Variants in SLC6A18 observed in about 807,000 individuals in gnomAD.
The protein encoded by SLC6A18 is solute carrier family 6 member 18.
SLC6A18 carries 58 observed loss-of-function variants against 62.9 expected under a neutral mutation model. The observed-to-expected ratio is 0.92, with a 90% confidence interval of 0.75 to 1.15. The LOEUF is 1.15. SLC6A18 is among the 50% of genes most tolerant of loss of function. The pLI is 0.00. For synonymous variants in SLC6A18, 382 were observed against 365.8 expected (o/e 1.04, Z -0.51); for missense variants, 793 against 836.6 (o/e 0.95, Z 0.64).
intron 2 of SLC6A18, among the ~76,000 whole-genome samples, 189 bp downstream of exon 2, chr5:1,232,548 A>G (rs1310153799): frequency 6.6e-6 from 1 of 152,130 alleles, no homozygotes; most frequent in African/African-American, 2.4e-5. Flanking sequence ...TTAGAGATGG[A>G]GAACATGTGT....
intron 2 of SLC6A18, 111 bp downstream of exon 2, chr5:1,232,470 C>T: frequency 1.4e-6 from 2 of 1,422,974 alleles, no homozygotes; most frequent in Non-Finnish European, 1.9e-6. Context: ...GCGGCCAGGC[C>T]AGGCCGGCGG....
intron 1 of SLC6A18, among the ~76,000 whole-genome samples, chr5:1,230,515 G>A (rs1746705317): frequency 6.6e-6 from 1 of 152,160 alleles, no homozygotes; most frequent in Admixed American, 6.5e-5. Flanking sequence ...GAGCCGTCCG[G>A]CCCCCACATG....
At position 1,238,374 on chromosome 5, in the gene SLC6A18, C is replaced by CCTGGAGGAGGACTTCGGT. The variant is rs1432699046; in HGVS notation, c.732+318_732+319insAGGAGGACTTCGGTCTGG. Among the ~76,000 whole-genome samples the CCTGGAGGAGGACTTCGGT allele has an allele frequency of 1.2e-3, 133 of 107,762 alleles. 19 individuals carry two copies. Among genetic ancestry groups the CCTGGAGGAGGACTTCGGT allele is most frequent in the African/African-American group, 4.4e-3 (97 of 21,964 alleles). The allele number at this position is 107,762 out of a possible 152,430, so 70.7% of individuals were successfully genotyped here. On this transcript the variant is annotated intron_variant, in intron 5 of 11. Coordinates refer to ENST00000324642, the MANE Select transcript of SLC6A18 (RefSeq NM_182632.3). ...GGAAAGAGGTCAGGTTTGGAGTGGG[C>CCTGGAGGAGGACTTCGGT]CTGGGGCCTCAGGAAAGAGGTCAGG...
At position 1,232,206 on chromosome 5, in the gene SLC6A18, C is replaced by A. The variant is rs781129039; in HGVS notation, c.161-13C>A. ...CCGACCCTGGGCAGGTGCTGACCAC[C>A]CCCTCCTCACAGGGGCCTTCCTCAT... is the stretch of plus-strand genomic sequence containing the variant. On this transcript the variant is annotated splice_polypyrimidine_tract_variant and intron_variant, in intron 1 of 11. Coordinates refer to ENST00000324642, the MANE Select transcript of SLC6A18 (RefSeq NM_182632.3). The A allele has an allele frequency of 1.9e-6, 3 of 1,607,750 alleles. No homozygotes were observed. The highest frequency in any genetic ancestry group is 2.2e-5 in the South Asian group (2 of 90,182).
intron 7 of SLC6A18, among the ~76,000 whole-genome samples, chr5:1,242,061 G>A (rs1242094750): frequency 6.8e-6 from 1 of 146,864 alleles, no homozygotes; most frequent in Non-Finnish European, 1.5e-5. Context: ...GGAGCCTTTG[G>A]CAGTGGAGAC....
chr5:1,230,803 A>G (rs1159760696), intron 1 of SLC6A18, among the ~76,000 whole-genome samples: 1 of 152,184 alleles, frequency 6.6e-6, no homozygotes, highest in Non-Finnish European at 1.5e-5. Context: ...GCCTGAGGTC[A>G]GTGCCACCCC....
intron 7 of SLC6A18, 48 bp from the exon 8 acceptor site, chr5:1,242,659 T>C (rs773492520): frequency 3.9e-6 from 6 of 1,556,082 alleles, no homozygotes; most frequent in Admixed American, 1.9e-5. Flanking sequence ...TCTCTGGATG[T>C]GTTTGGGAAC....
chr5:1,227,175 G>A (rs1320621940), intron 1 of SLC6A18, among the ~76,000 whole-genome samples: 2 of 151,534 alleles, frequency 1.3e-5, no homozygotes, highest in South Asian at 2.1e-4. Context: ...CTTGCCCGCC[G>A]ATGCCTTGCC....
In SLC6A18 at chr5:1,225,560, T is replaced by G. The variant is rs1252652937; in HGVS notation, c.83T>G (p.Leu28Arg). ...RPKWDNKAQY[L>R]LSCTGFAVGL... ...AAGTGGGACAACAAGGCCCAGTACC[T>G]CCTGAGCTGCACTGGGTTTGCCGTG... Residue 28 changes from leucine (L) to arginine (R), a missense_variant, in exon 1 of 12, where the codon CTC becomes CGC. By Grantham distance (102) the Leu-to-Arg change is moderately radical. Coordinates refer to ENST00000324642, the MANE Select transcript of SLC6A18 (RefSeq NM_182632.3). 6.2e-7 allele frequency: 1 copy of G among 1,612,872 alleles called. No individual in the cohort carries two copies. Among genetic ancestry groups the G allele is most frequent in the Admixed American group, 1.7e-5 (1 of 59,914 alleles).
In SLC6A18 at chr5:1,243,269, G is replaced by A. The variant is rs1747113303; in HGVS notation, c.1132-286G>A. On this transcript the variant is annotated intron_variant, in intron 8 of 11. Transcript: ENST00000324642. This position sits in a 1 kb window ranked among gnomAD's most constrained non-coding sequence, Gnocchi z 6.5. ...GGGCACAGCCAGGAGGCAGGTGTGG[G>A]ATGCATCTCAGGGTGCCTGACTCTA... Among the ~76,000 whole-genome samples, 1 of 152,202 alleles carries A rather than the reference G, an allele frequency of 6.6e-6. No individual in the cohort carries two copies. Among genetic ancestry groups the A allele is most frequent in the Non-Finnish European group, 1.5e-5 (1 of 68,022 alleles).
chr5:1,234,106 A>T (rs1477904933), intron 3 of SLC6A18, among the ~76,000 whole-genome samples: 1 of 151,154 alleles, frequency 6.6e-6, no homozygotes, highest in Non-Finnish European at 1.5e-5. Context: ...ATGATCTTGA[A>T]CCCTTGGGTT....
chr5:1,243,735 T>A lies in SLC6A18; in HGVS notation c.1312T>A (p.Trp438Arg), dbSNP rs75434344. Reference sequence around the variant, plus strand: ...GCTGGACGTGGGGGTCCTGCCTAGATGGGTCCCCAAGGAGGCCCTGACTGG... The same window carrying A: ...GCTGGACGTGGGGGTCCTGCCTAGAAGGGTCCCCAAGGAGGCCCTGACTGG... ...PLLDVGVLPR[W>R]VPKEALTGLV... Residue 438 changes from tryptophan (W) to arginine (R), a missense_variant, in exon 9 of 12, where the codon TGG (tryptophan) becomes AGG (arginine). Physicochemically the swap from Trp to Arg is moderately radical, Grantham distance 101. Coordinates refer to ENST00000324642, the MANE Select transcript of SLC6A18 (RefSeq NM_182632.3). The surrounding 1 kb of genome is among the most constrained non-coding windows in gnomAD (Gnocchi z 6.5). 2,001 of 1,610,692 alleles carry A rather than the reference T, an allele frequency of 1.2e-3. 38 individuals are homozygous for A. In the African/African-American group the frequency reaches 0.025, roughly 20 times the overall value.
chr5:1,233,975 T>G (rs1002037861), intron 3 of SLC6A18, among the ~76,000 whole-genome samples: 2 of 152,146 alleles, frequency 1.3e-5, no homozygotes, highest in African/African-American at 2.4e-5. Flanking sequence ...TCTCCTGACC[T>G]CGTGATCCGC....
rs1747121847 is a variant in SLC6A18, at chr5:1,243,506, T to C, written c.1132-49T>C. On this transcript the variant is annotated intron_variant, in intron 8 of 11. Coordinates refer to ENST00000324642, the MANE Select transcript of SLC6A18 (RefSeq NM_182632.3). This position sits in a 1 kb window ranked among gnomAD's most constrained non-coding sequence, Gnocchi z 6.5. Reference sequence around the variant, plus strand: ...CCTGCAGGCAGGCGTGTGTGTGTGGTGGAGTGTGTGTGTGCGTGGCCTGAA... The same window carrying C: ...CCTGCAGGCAGGCGTGTGTGTGTGGCGGAGTGTGTGTGTGCGTGGCCTGAA... The C allele has an allele frequency of 6.4e-7, 1 of 1,571,052 alleles. No homozygotes were observed. The highest frequency in any genetic ancestry group is 1.1e-5 in the South Asian group (1 of 89,210).
chr5:1,232,522 G>A (rs964907143), intron 2 of SLC6A18, among the ~76,000 whole-genome samples, 163 bp downstream of exon 2: 1 of 152,298 alleles, frequency 6.6e-6, no homozygotes, highest in Non-Finnish European at 1.5e-5. Context: ...GAGAAGCAGC[G>A]GTGACTCGGG....
At chr5:1,226,326 T>G (rs12655414) in intron 1 of SLC6A18, among the ~76,000 whole-genome samples, 9 of 152,296 alleles carry the variant, frequency 5.9e-5, no homozygotes, top group African/African-American at 2.2e-4. Context: ...CGACACAGGA[T>G]GTAGGGACAG....
rs142841385 is a variant in SLC6A18, at chr5:1,236,292, T to G, written c.621+630T>G. On this transcript the variant is annotated intron_variant, in intron 4 of 11. Transcript: ENST00000324642. ...TGTCATGGTCTATCATTAAGTGATC[T>G]TGGGGCATTCTATGGTCATTTAAGA... Among the ~76,000 whole-genome samples, 257 of 152,370 alleles carry G rather than the reference T, an allele frequency of 1.7e-3. 12 individuals carry two copies. The East Asian group carries it at 0.045, about 27-fold the overall frequency.
rs763667074 is a variant in SLC6A18 at position 1,239,451 on chromosome 5, T to A, written c.734T>A (p.Met245Lys). Residue 245 changes from methionine to lysine, a missense_variant and splice_region_variant, in exon 6 of 12, where the codon ATG becomes AAG. Physicochemically the swap from Met to Lys is moderately conservative, Grantham distance 95 (BLOSUM62 -1). Transcript: ENST00000324642. ...GACGCTCTCCCTGACTCATTCCAGA[T>A]GCACATTCTCCAGAACCCCCGGGTG... ...KGLIYLFTPN[M>K]HILQNPRVWL... 5.0e-6 allele frequency: 8 copies of A among 1,612,444 alleles called. No homozygotes were observed. Among genetic ancestry groups the A allele is most frequent in the Non-Finnish European group, 6.8e-6 (8 of 1,178,486 alleles).
Position 1,243,411 on chromosome 5 carries a change from C to G in SLC6A18, c.1132-144C>G. The G allele has an allele frequency of 1.1e-6, 1 of 916,356 alleles. No individual in the cohort carries two copies. Among genetic ancestry groups the G allele is most frequent in the East Asian group, 2.5e-5 (1 of 39,632 alleles). 56.8% of individuals were successfully genotyped at this position (916,356 alleles called of 1,614,324 possible). A position where few individuals can be genotyped will look rare whatever the true frequency, so the allele number is the denominator to read the frequency against. Reference sequence around the variant, plus strand: ...CGTCTCCCAGAAGGCATGGCCAGCCCTGAGCCACCTCAGCCCGACACCAGG... The same window carrying G: ...CGTCTCCCAGAAGGCATGGCCAGCCGTGAGCCACCTCAGCCCGACACCAGG... On this transcript the variant is annotated intron_variant, in intron 8 of 11. Transcript: ENST00000324642. This position sits in a 1 kb window ranked among gnomAD's most constrained non-coding sequence, Gnocchi z 6.5.
Sources: allele counts gnomAD v4.1 joint callset (sites outside exome capture counted in the v4.1 genomes callset), GRCh38; gene constraint gnomAD v4.1.1; non-coding constraint Gnocchi (gnomAD v3.1); transcripts MANE v1.5; gene names NCBI Gene and HGNC (gene_info 2026-07-23, HGNC 2026-07-21).